Variants in NEGR1 observed in about 807,000 individuals in gnomAD.
The protein encoded by NEGR1 is IgLON family member 4.
NEGR1 carries 10 observed loss-of-function variants against 40.9 expected under a neutral mutation model. The ratio of observed to expected loss-of-function variants is 0.24; its 90% CI spans 0.15 to 0.42. The LOEUF is 0.42. Among genes scored for constraint, NEGR1 ranks in the 10% least tolerant of loss-of-function variants. The pLI, the probability that NEGR1 is intolerant of heterozygous loss-of-function variation, is 1.00. For missense variants in NEGR1, 352 were observed against 438.9 expected (o/e 0.80, Z 1.77); for synonymous variants, 185 against 166.8 (o/e 1.11, Z -0.84).
At chr1:72,247,296 G>C (rs909792475) in intron 1 of NEGR1, among the ~76,000 whole-genome samples, 3 of 152,098 alleles carry the variant, frequency 2.0e-5, no homozygotes, top group Middle Eastern at 6.3e-3. Flanking sequence ...TTCTTTCCTT[G>C]ACACGTGGCC....
intron 3 of NEGR1, among the ~76,000 whole-genome samples, chr1:71,767,077 TG>T (rs1474773214): frequency 6.6e-6 from 1 of 152,162 alleles, no homozygotes; most frequent in African/African-American, 2.4e-5. Context: ...AGTGCAAGAA[TG>T]GACTAATATA....
chr1:72,229,177 ATTTG>A (rs2100495245), intron 1 of NEGR1, among the ~76,000 whole-genome samples: 2 of 152,086 alleles, frequency 1.3e-5, no homozygotes, highest in East Asian at 3.9e-4. Flanking sequence ...TCCCAACTCC[ATTTG>A]TAAACAAGTC....
At chr1:71,675,126 T>TGTATATATATATATATATATATACACAC (rs1553157750) in intron 4 of NEGR1, among the ~76,000 whole-genome samples, 1 of 77,794 alleles carries the variant, frequency 1.3e-5, no homozygotes, top group African/African-American at 4.1e-5. Context: ...TATATATATA[T>TGTATATATATATATATATATATACACAC]ACACACACAC....
At chr1:71,978,121 T>C (rs1646322815) in intron 1 of NEGR1, among the ~76,000 whole-genome samples, 1 of 152,168 alleles carries the variant, frequency 6.6e-6, no homozygotes, top group Admixed American at 6.6e-5. Flanking sequence ...AGCCCTAGCA[T>C]TGAAGATAAA....
intron 6 of NEGR1, among the ~76,000 whole-genome samples, chr1:71,513,072 T>C (rs900196940): frequency 7.9e-5 from 12 of 152,174 alleles, no homozygotes; most frequent in Non-Finnish European, 1.3e-4. Flanking sequence ...GATGGAATAG[T>C]TTATGGATAC....
chr1:71,662,201 T>A (rs1652082113), intron 4 of NEGR1, among the ~76,000 whole-genome samples: 1 of 152,188 alleles, frequency 6.6e-6, no homozygotes, highest in South Asian at 2.1e-4. Context: ...GCCTCAGTTT[T>A]CCTCATTAGT....
At chr1:72,186,254 T>C (rs919930494) in intron 1 of NEGR1, among the ~76,000 whole-genome samples, 1 of 151,770 alleles carries the variant, frequency 6.6e-6, no homozygotes, top group Non-Finnish European at 1.5e-5. Context: ...ACTTCCAACA[T>C]GATTTGTAAA....
intron 1 of NEGR1, among the ~76,000 whole-genome samples, chr1:72,252,141 T>A (rs1315857311): frequency 6.6e-6 from 1 of 152,046 alleles, no homozygotes; most frequent in Non-Finnish European, 1.5e-5. Flanking sequence ...GTTTTGCTCT[T>A]GTTTTCCAGG....
chr1:71,981,239 G>T (rs532228205), intron 1 of NEGR1, among the ~76,000 whole-genome samples: 37 of 152,206 alleles, frequency 2.4e-4, no homozygotes, highest in South Asian at 1.2e-3. Flanking sequence ...TTGAGAGTTG[G>T]TAGAAAGAAA....
intron 6 of NEGR1, among the ~76,000 whole-genome samples, chr1:71,442,254 TG>T (rs1646552526): frequency 1.9e-5 from 2 of 105,938 alleles, no homozygotes; most frequent in African/African-American, 3.6e-5. Context: ...TTTTTTTTAC[TG>T]GATTTCAAAT....
chr1:71,871,571 C>T (rs994381158), intron 2 of NEGR1, among the ~76,000 whole-genome samples: 2 of 152,156 alleles, frequency 1.3e-5, no homozygotes, highest in African/African-American at 4.8e-5. Context: ...ACATCCTATA[C>T]ACCTTGTACA....
chr1:71,574,808 T>C (rs923906254), intron 6 of NEGR1, among the ~76,000 whole-genome samples: 1 of 152,224 alleles, frequency 6.6e-6, no homozygotes, highest in African/African-American at 2.4e-5. Context: ...ATATGTTCTG[T>C]GTATATATGA....
At chr1:71,678,433 T>C (rs1570190981) in intron 4 of NEGR1, among the ~76,000 whole-genome samples, 1 of 152,204 alleles carries the variant, frequency 6.6e-6, no homozygotes, top group Non-Finnish European at 1.5e-5. Flanking sequence ...TATAATACAG[T>C]AAGTAATGAA....
At chr1:71,611,230 C>T in intron 4 of NEGR1, 84 bp from the exon 5 acceptor site, 1 of 1,290,476 alleles carries the variant, frequency 7.7e-7, no homozygotes, top group Non-Finnish European at 1.1e-6. Flanking sequence ...TATTTTTATT[C>T]CTTCTATATT....
chr1:72,151,279 T>G (rs1000177357), intron 1 of NEGR1, among the ~76,000 whole-genome samples: 22 of 151,224 alleles, frequency 1.5e-4, no homozygotes, highest in Admixed American at 1.5e-3. Flanking sequence ...TAATAAATAC[T>G]TAAATTATTA....
chr1:71,808,671 T>A (rs985755121), intron 2 of NEGR1, among the ~76,000 whole-genome samples: 1 of 152,114 alleles, frequency 6.6e-6, no homozygotes, highest in East Asian at 1.9e-4. Flanking sequence ...AGCAGTAACA[T>A]GAAAATGAAT....
At chr1:71,423,156 C>T (rs1184419715) in intron 6 of NEGR1, among the ~76,000 whole-genome samples, 4 of 151,954 alleles carry the variant, frequency 2.6e-5, no homozygotes, top group Non-Finnish European at 5.9e-5. Flanking sequence ...GGGAGGCTGA[C>T]GCAGGAGGAT....
At chr1:71,883,544 A>G (rs764413622) in intron 2 of NEGR1, among the ~76,000 whole-genome samples, 2 of 152,186 alleles carry the variant, frequency 1.3e-5, no homozygotes, top group Non-Finnish European at 2.9e-5. Context: ...ACACTAAAAT[A>G]TACTTTTTCA....
chr1:71,711,573 C>G (rs1179255603), intron 3 of NEGR1, among the ~76,000 whole-genome samples: 1 of 151,628 alleles, frequency 6.6e-6, no homozygotes, highest in Non-Finnish European at 1.5e-5. Context: ...GGTGTGGCCA[C>G]TTTGGAAAAG....
Sources: gnomAD v4.1 joint callset for allele counts (sites outside exome capture counted in the v4.1 genomes callset) on GRCh38, gnomAD v4.1.1 for gene constraint, MANE v1.5 for transcripts, NCBI Gene and HGNC (gene_info 2026-07-23, HGNC 2026-07-21) for gene names.